The following NFATC2 variants were observed in gnomAD, a reference collection of about 807,000 sequenced individuals.
NFATC2 encodes nuclear factor of activated T-cells, cytoplasmic 2.
Under a neutral mutation model 87.3 loss-of-function variants are expected in NFATC2, and 22 were observed. The observed-to-expected ratio is 0.25, with a 90% CI of 0.18 to 0.36. The LOEUF (loss-of-function observed/expected upper bound fraction) is 0.36, where lower values mean the gene tolerates loss of function less well. NFATC2 is among the 10% of genes least tolerant of loss of function. NFATC2 has a pLI of 1.00. For missense variants in NFATC2, 1,149 were observed against 1,259.1 expected, an observed-to-expected ratio of 0.91 and a Z score of 1.32; for synonymous variants, 565 against 542.2, an observed-to-expected ratio of 1.04 and a Z score of -0.58.
chr20:51,419,748 G>A (rs528671329), intron 9 of NFATC2, among the ~76,000 whole-genome samples: 2 of 152,314 alleles, frequency 1.3e-5, no homozygotes, highest in East Asian at 1.9e-4. Context: ...ACCGCAAGGA[G>A]TATCTCAGCA....
Position 51,454,703 on chromosome 20 carries a change from G to A in NFATC2, c.1709-15C>T. 6.2e-7 allele frequency: 1 copy of A among 1,613,548 alleles called. No homozygotes were observed. On this transcript the variant is annotated splice_polypyrimidine_tract_variant and intron_variant, in intron 5 of 10. Coordinates refer to ENST00000371564, the MANE Select transcript of NFATC2 (RefSeq NM_012340.5). ...AGATCGCTGGGCTGCAGGCAAAAGA[G>A]AGAGAAGTCACTGTGATAAGGGGAG... is the stretch of plus-strand genomic sequence containing the variant.
rs143003269 is a variant in NFATC2, at chr20:51,490,760, G to C, written c.1333-15100C>G. On this transcript the variant is annotated intron_variant, in intron 3 of 10. Transcript: ENST00000371564. ...ATTTGAGCCCGGGAGTTTGAGACCA[G>C]CTTGGGTAACATAAAAAAAAATTTA... Among the ~76,000 whole-genome samples, 401 of 152,040 alleles carry C rather than the reference G, an allele frequency of 2.6e-3. 1 individual carries two copies. The highest frequency in any genetic ancestry group is 9.5e-3 in the African/African-American group (393 of 41,482).
chr20:51,482,367 CT>C (rs11476808), intron 3 of NFATC2, among the ~76,000 whole-genome samples: 96,196 of 149,284 alleles, frequency 0.64, 30,904 homozygotes, highest in East Asian at 0.71. Context: ...CTTGCTGTTC[CT>C]TTTTTTTTTT....
At chr20:51,534,115 C>T (rs2076680857) in intron 1 of NFATC2, among the ~76,000 whole-genome samples, 1 of 152,054 alleles carries the variant, frequency 6.6e-6, no homozygotes, top group South Asian at 2.1e-4. Context: ...TTACATAAAC[C>T]CCTGGAGATA....
chr20:51,542,229 C>T, intron 1 of NFATC2, 141 bp downstream of exon 1: 1 of 1,084,670 alleles, frequency 9.2e-7, no homozygotes, highest in Non-Finnish European at 1.2e-6. Context: ...GCCTCCCCTC[C>T]CTGGCACCTG....
intron 6 of NFATC2, among the ~76,000 whole-genome samples, chr20:51,439,731 G>C (rs1391685827): frequency 6.6e-6 from 1 of 152,180 alleles, no homozygotes; most frequent in Non-Finnish European, 1.5e-5. Flanking sequence ...TCACCCCAGT[G>C]CTCTGCCATT....
intron 10 of NFATC2, among the ~76,000 whole-genome samples, chr20:51,398,147 C>G (rs548896869): frequency 6.6e-6 from 1 of 152,064 alleles, no homozygotes; most frequent in African/African-American, 2.4e-5. Context: ...GGAAGCCCCC[C>G]GGGAGGAGCT....
Position 51,466,152 on chromosome 20 carries a change from A to C in NFATC2, c.1708+7828T>G, listed in dbSNP as rs145907873. ...ACTGCAACCTCCGCCTCCCGGGTTCAAGTGATTCTCCTGCCTCAGCCTCCA... is the reference window on the plus strand; with the variant it reads ...ACTGCAACCTCCGCCTCCCGGGTTCCAGTGATTCTCCTGCCTCAGCCTCCA... On this transcript the variant is annotated intron_variant, in intron 5 of 10. Coordinates refer to ENST00000371564, the MANE Select transcript of NFATC2 (RefSeq NM_012340.5). 9.7e-3 allele frequency among the ~76,000 whole-genome samples: 1,472 copies of C among 152,252 alleles called. 54 individuals carry two copies. The East Asian group carries it at 0.13, about 13-fold the overall frequency.
chr20:51,460,952 T>C (rs1987086907), intron 5 of NFATC2, among the ~76,000 whole-genome samples: 1 of 152,214 alleles, frequency 6.6e-6, no homozygotes, highest in Non-Finnish European at 1.5e-5. Flanking sequence ...ATTTGCATTT[T>C]AACAATCTTT....
intron 5 of NFATC2, among the ~76,000 whole-genome samples, chr20:51,472,169 C>T (rs965659548): frequency 1.3e-5 from 2 of 152,198 alleles, no homozygotes; most frequent in African/African-American, 2.4e-5. Flanking sequence ...GCAGGAGAAT[C>T]ACTTGAACCC....
rs1267884009 is a variant in NFATC2, at chr20:51,388,722, A to G, written c.*2774T>C. On this transcript the variant is annotated 3_prime_UTR_variant, in exon 11 of 11. Coordinates refer to ENST00000371564, the MANE Select transcript of NFATC2 (RefSeq NM_012340.5). ...TTTGTACAATACAGGAAGACTTGCA[A>G]ACTTTGGAAATATACTACATTCAGC... The G allele has an allele frequency of 6.6e-6, 1 of 152,306 alleles. No homozygotes were observed. The highest frequency in any genetic ancestry group is 2.1e-4 in the South Asian group (1 of 4,822). 9.4% of individuals were successfully genotyped at this position (152,306 alleles called of 1,614,324 possible). A position where few individuals can be genotyped will look rare whatever the true frequency, so the allele number is the denominator to read the frequency against.
rs866777545 is a variant in NFATC2 at position 51,445,807 on chromosome 20, G to A, written c.1849+8741C>T. Among the ~76,000 whole-genome samples, 9 of 152,178 alleles carry A rather than the reference G, an allele frequency of 5.9e-5. No individual in the cohort carries two copies. The South Asian group carries it at 1.7e-3, about 28-fold the overall frequency. On this transcript the variant is annotated intron_variant, in intron 6 of 10. Transcript: ENST00000371564. ...CATAGTAGGTGCTCAATAAACACCC[G>A]GGAAATGAACATGGAAGCACCGGGG... is the stretch of plus-strand genomic sequence containing the variant.
In NFATC2 at chr20:51,474,682, CAGG is replaced by C. The variant is rs542934501; in HGVS notation, c.1536-533_1536-531del. Among the ~76,000 whole-genome samples, 22 of 152,304 alleles carry C rather than the reference CAGG, an allele frequency of 1.4e-4. No individual in the cohort carries two copies. In the East Asian group the frequency reaches 4.2e-3, roughly 29 times the overall value. ...CTGGGAAAGCCGAGGGGGCAGGATT[CAGG>C]AGTTCTTTGTACACTTCTTGCAGTA... On this transcript the variant is annotated intron_variant, in intron 4 of 10. Coordinates refer to ENST00000371564, the MANE Select transcript of NFATC2 (RefSeq NM_012340.5).
At chr20:51,402,233 C>T (rs6013176) in intron 9 of NFATC2, among the ~76,000 whole-genome samples, 2 of 152,222 alleles carry the variant, frequency 1.3e-5, no homozygotes, top group Non-Finnish European at 2.9e-5. Flanking sequence ...AAACTCAGAC[C>T]TGAACTGCCC....
At chr20:51,400,370 C>A (rs541199414) in intron 9 of NFATC2, among the ~76,000 whole-genome samples, 1 of 152,020 alleles carries the variant, frequency 6.6e-6, no homozygotes, top group East Asian at 1.9e-4. Context: ...CTAGTTGGAA[C>A]CCCAGGGACC....
rs760708579 is a variant in NFATC2 at position 51,398,671 on chromosome 20, TCA to T, written c.*14_*15del. The T allele has an allele frequency of 1.3e-4, 203 of 1,612,114 alleles. 1 individual carries two copies. The highest frequency in any genetic ancestry group is 1.6e-4 in the Non-Finnish European group (192 of 1,178,918). On this transcript the variant is annotated 3_prime_UTR_variant, in exon 10 of 11. Coordinates refer to ENST00000371564, the MANE Select transcript of NFATC2 (RefSeq NM_012340.5). The stretch of plus-strand genomic sequence containing the variant: ...TAACTTTGATTTCTCGGATCAAAGA[TCA>T]CAGTCATTCTGTTTCATAATATGTT...
rs185915156 is a variant in NFATC2, at chr20:51,550,812, A to G, written c.70+11748T>C. Among the ~76,000 whole-genome samples, 800 of 152,250 alleles carry G rather than the reference A, an allele frequency of 5.3e-3. 6 individuals are homozygous for G. Among genetic ancestry groups the G allele is most frequent in the African/African-American group, 0.018 (757 of 41,526 alleles). ...TTGAATACTATACCAAAAGAGAAAAACAGAATGGTTTATGGGTACCCAAAG... is the reference window on the plus strand; with the variant it reads ...TTGAATACTATACCAAAAGAGAAAAGCAGAATGGTTTATGGGTACCCAAAG... On this transcript the variant is annotated intron_variant, in intron 1 of 10. Transcript: ENST00000414705.
chr20:51,482,216 C>A (rs1023919651), intron 3 of NFATC2, among the ~76,000 whole-genome samples: 1 of 152,082 alleles, frequency 6.6e-6, no homozygotes, highest in Non-Finnish European at 1.5e-5. Context: ...ACATGGCCTC[C>A]ACGTGTCAAA....
At chr20:51,413,463 A>G (rs748148361) in intron 9 of NFATC2, among the ~76,000 whole-genome samples, 1 of 152,084 alleles carries the variant, frequency 6.6e-6, no homozygotes, top group Non-Finnish European at 1.5e-5. Context: ...TCTTTTTTCA[A>G]AAAAACCTAA....
Sources: allele counts gnomAD v4.1 joint callset (sites outside exome capture counted in the v4.1 genomes callset), GRCh38; gene constraint gnomAD v4.1.1; transcripts MANE v1.5; gene names NCBI Gene and HGNC (gene_info 2026-07-23, HGNC 2026-07-21).